The following FBXL5 variants were observed in gnomAD, a reference collection of about 807,000 sequenced individuals.
The protein encoded by FBXL5 is F-box/LRR-repeat protein 5.
Under a neutral mutation model 78.3 loss-of-function variants are expected in FBXL5, and 26 were observed. The observed-to-expected ratio is 0.33, with a 90% CI of 0.24 to 0.46. FBXL5 has a LOEUF of 0.46. FBXL5 is among the 20% of genes least tolerant of loss of function. The pLI is 1.00. For synonymous variants in FBXL5, 295 were observed against 282.5 expected (o/e 1.04, Z -0.45); for missense variants, 710 against 829.2 (o/e 0.86, Z 1.77).
intron 8 of FBXL5, among the ~76,000 whole-genome samples, chr4:15,626,424 TGG>T (rs1034508899): frequency 7.2e-5 from 11 of 152,074 alleles, no homozygotes; most frequent in African/African-American, 2.7e-4. Flanking sequence ...AATAGTTGGG[TGG>T]GAAAGAGGGA....
chr4:15,610,956 C>G (rs1366267810), intron 10 of FBXL5, among the ~76,000 whole-genome samples: 2 of 152,092 alleles, frequency 1.3e-5, no homozygotes. Flanking sequence ...AAACTCCGTT[C>G]TCAAATCCAC....
At chr4:15,668,277 A>G (rs536345637) in intron 1 of FBXL5, among the ~76,000 whole-genome samples, 2 of 151,468 alleles carry the variant, frequency 1.3e-5, no homozygotes, top group African/African-American at 4.8e-5. Flanking sequence ...AACTTGTAAC[A>G]TTTTAATCAA....
chr4:15,665,839 G>C (rs538005298), intron 1 of FBXL5, among the ~76,000 whole-genome samples: 2 of 152,178 alleles, frequency 1.3e-5, no homozygotes, highest in African/African-American at 4.8e-5. Context: ...GCTGTTGGTA[G>C]GAATCCGATG....
intron 1 of FBXL5, among the ~76,000 whole-genome samples, chr4:15,675,680 C>A (rs1418229362): frequency 6.8e-6 from 1 of 147,782 alleles, no homozygotes; most frequent in South Asian, 2.1e-4. Flanking sequence ...CTCCCAGGTT[C>A]GAGCAATTCT....
chr4:15,613,686 C>G (rs1485813696), intron 9 of FBXL5, among the ~76,000 whole-genome samples: 1 of 152,018 alleles, frequency 6.6e-6, no homozygotes, highest in East Asian at 1.9e-4. Context: ...TCTTCAAGCT[C>G]TGAAGTTCTT....
At chr4:15,654,857 G>A (rs1716648000) in intron 1 of FBXL5, among the ~76,000 whole-genome samples, 2 of 152,178 alleles carry the variant, frequency 1.3e-5, no homozygotes, top group South Asian at 2.1e-4. Context: ...AGGAGGTAGG[G>A]CCGCTCTCCT....
At chr4:15,610,534 T>C (rs938251646) in intron 10 of FBXL5, among the ~76,000 whole-genome samples, 3 of 152,112 alleles carry the variant, frequency 2.0e-5, no homozygotes, top group African/African-American at 7.2e-5. Context: ...AAAAGGAATA[T>C]AATAGCTCCT....
intron 10 of FBXL5, 115 bp downstream of exon 10, chr4:15,612,151 G>A (rs13106208): frequency 1.3e-6 from 1 of 791,820 alleles, no homozygotes; most frequent in Non-Finnish European, 1.9e-6. Context: ...AAATCTGAAA[G>A]TAAGATAGTC....
chr4:15,627,892 C>A lies in FBXL5; in HGVS notation c.1034G>T (p.Ser345Ile). 1 of 1,606,630 alleles carries A rather than the reference C, an allele frequency of 6.2e-7. No homozygotes were observed. Among genetic ancestry groups the A allele is most frequent in the Non-Finnish European group, 8.5e-7 (1 of 1,177,252 alleles). ...GTGTTAATTTAAACATACCATTTTG[C>A]TGGAAACTGCAGAGCTGTATGCTAA... is the stretch of plus-strand genomic sequence containing the variant. ...LVLAYSSAVSSKMVRQILELC... is the reference protein window; with the variant it reads ...LVLAYSSAVSIKMVRQILELC... Residue 345 changes from serine (S) to isoleucine (I), a missense_variant, in exon 7 of 11, where the codon AGC (serine) becomes ATC (isoleucine). Transcript: ENST00000341285.
chr4:15,656,768 G>A (rs1260536543), upstream of FBXL5, among the ~76,000 whole-genome samples: 1 of 150,414 alleles, frequency 6.6e-6, no homozygotes, highest in Non-Finnish European at 1.5e-5. Flanking sequence ...GAATCTTTAT[G>A]AGGATTTATA....
In FBXL5 at chr4:15,625,833, T is replaced by G; in HGVS notation, c.1269A>C (p.Thr423=). ...TCCACGCAGTTGAAGTAATTTTGCT[T>G]GTAGATGTTTTCAAAAAGCCACTTT... ...SHQSGFLKTS[T]SKITSTAWKN... The change falls in exon 9 of 11, where the codon ACA becomes ACC. Residue 423 remains threonine (T), a synonymous_variant. Coordinates refer to ENST00000341285, the MANE Select transcript of FBXL5 (RefSeq NM_012161.4). The G allele has an allele frequency of 6.2e-7, 1 of 1,614,172 alleles. No individual in the cohort carries two copies. The highest frequency in any genetic ancestry group is 2.2e-5 in the East Asian group (1 of 44,886).
intron 9 of FBXL5, among the ~76,000 whole-genome samples, chr4:15,616,904 T>A (rs1014023249): frequency 7.2e-5 from 11 of 152,170 alleles, no homozygotes; most frequent in Non-Finnish European, 1.2e-4. Context: ...TTTTCAGCTG[T>A]CTCACAGAGC....
chr4:15,634,226 C>A (rs1470217209), intron 5 of FBXL5, among the ~76,000 whole-genome samples: 1 of 152,050 alleles, frequency 6.6e-6, no homozygotes, highest in Non-Finnish European at 1.5e-5. Flanking sequence ...CCTCTGTCAC[C>A]CGGATTGGAG....
At chr4:15,635,477 G>T (rs1201479901) in intron 5 of FBXL5, among the ~76,000 whole-genome samples, 1 of 151,844 alleles carries the variant, frequency 6.6e-6, no homozygotes, top group Non-Finnish European at 1.5e-5. Flanking sequence ...CCCTGGGCCG[G>T]GTCTGGTGGC....
intron 7 of FBXL5, 69 bp downstream of exon 7, chr4:15,627,816 G>T (rs1168667506): frequency 2.0e-6 from 3 of 1,494,264 alleles, no homozygotes; most frequent in Non-Finnish European, 2.7e-6. Flanking sequence ...TTAAACTCAG[G>T]AATGAGCAAA....
chr4:15,625,155 A>C, intron 9 of FBXL5, 97 bp downstream of exon 9: 1 of 1,365,456 alleles, frequency 7.3e-7, no homozygotes. Flanking sequence ...TTTGCTAAGT[A>C]AATCAACTGA....
At chr4:15,609,255 A>G (rs539175098) in intron 10 of FBXL5, among the ~76,000 whole-genome samples, 2 of 152,286 alleles carry the variant, frequency 1.3e-5, no homozygotes, top group East Asian at 3.9e-4. Context: ...AAGGAATAAT[A>G]AAGAAAATAG....
intron 9 of FBXL5, among the ~76,000 whole-genome samples, chr4:15,618,061 A>C (rs1406861506): frequency 1.3e-5 from 2 of 152,234 alleles, no homozygotes; most frequent in African/African-American, 2.4e-5. Context: ...TGAGAGCAAA[A>C]ATTTTTTAAA....
At position 15,644,503 on chromosome 4, in the gene FBXL5, T is replaced by C; in HGVS notation, c.290A>G (p.Lys97Arg). 2 of 1,611,086 alleles carry C rather than the reference T, an allele frequency of 1.2e-6. No homozygotes were observed. Among genetic ancestry groups the C allele is most frequent in the African/African-American group, 2.7e-5 (2 of 75,028 alleles). Residue 97 changes from lysine (K) to arginine (R), a missense_variant, in exon 2 of 11, where the codon AAG (lysine) becomes AGG (arginine). Physicochemically the swap from Lys to Arg is conservative, Grantham distance 26. This residue lies in a region of FBXL5 where 132 missense variants were observed against 156.9 expected (regional missense o/e 0.84). Transcript: ENST00000341285. The part of the protein sequence containing the change: ...EMLSLFEKGL[K>R]NVKNEYEQLN... ...ATTTTTGCAACTTACCTTAACATTC[T>C]TCAGTCCCTTTTCAAAGAGGCTAAG...
Sources: gnomAD v4.1 joint callset for allele counts (sites outside exome capture counted in the v4.1 genomes callset) on GRCh38, gnomAD v4.1.1 for gene constraint, gnomAD v4.1.1 regional missense constraint, MANE v1.5 for transcripts, NCBI Gene and HGNC (gene_info 2026-07-23, HGNC 2026-07-21) for gene names.